The following DOK6 variants were observed in gnomAD, a reference collection of about 807,000 sequenced individuals.
DOK6 encodes downstream of tyrosine kinase 6.
In DOK6, 22 loss-of-function variants were observed where a neutral mutation model predicts 44.0. The observed-to-expected ratio is 0.50, with a 90% confidence interval of 0.36 to 0.71. The LOEUF is 0.71. Among genes scored for constraint, DOK6 ranks in the 30% least tolerant of loss-of-function variants. DOK6 has a pLI of 0.00. For synonymous variants in DOK6, 166 were observed against 145.5 expected, an observed-to-expected ratio of 1.14 and a Z score of -1.01; for missense variants, 340 against 416.4, an observed-to-expected ratio of 0.82 and a Z score of 1.60.
At chr18:69,402,890 A>G (rs779233991) in intron 1 of DOK6, among the ~76,000 whole-genome samples, 14 of 152,156 alleles carry the variant, frequency 9.2e-5, no homozygotes, top group Non-Finnish European at 2.1e-4. Context: ...CCCACGGGAA[A>G]AGCTGCGGTT....
At chr18:69,704,147 T>C (rs1986581111) in intron 5 of DOK6, among the ~76,000 whole-genome samples, 1 of 152,234 alleles carries the variant, frequency 6.6e-6, no homozygotes, top group African/African-American at 2.4e-5. Context: ...CCTGCGCTAA[T>C]ACAAAACATT....
chr18:69,717,014 ATTC>A (rs1227986943), intron 5 of DOK6, among the ~76,000 whole-genome samples: 2 of 150,666 alleles, frequency 1.3e-5, no homozygotes, highest in African/African-American at 5.0e-5. Flanking sequence ...ATAGGAGTTT[ATTC>A]TTTTTTATTG....
At chr18:69,535,534 T>G (rs1982099518) in intron 1 of DOK6, among the ~76,000 whole-genome samples, 1 of 151,786 alleles carries the variant, frequency 6.6e-6, no homozygotes, top group East Asian at 1.9e-4. Context: ...ATTTTCTAGG[T>G]TAATGAACTT....
intron 6 of DOK6, among the ~76,000 whole-genome samples, chr18:69,751,726 C>T (rs890708770): frequency 4.6e-5 from 7 of 151,930 alleles, no homozygotes; most frequent in African/African-American, 1.5e-4. Context: ...CACAAATGGC[C>T]GGGTGCAGTG....
intron 3 of DOK6, among the ~76,000 whole-genome samples, chr18:69,608,869 C>T (rs1303931525): frequency 1.3e-5 from 2 of 150,284 alleles, no homozygotes. Context: ...TGAATCGCTT[C>T]AACCCGGGAG....
At chr18:69,652,418 T>C (rs1358727021) in intron 3 of DOK6, among the ~76,000 whole-genome samples, 2 of 152,092 alleles carry the variant, frequency 1.3e-5, no homozygotes, top group Non-Finnish European at 2.9e-5. Flanking sequence ...GATGGGAAAA[T>C]CCCAGGACTG....
intron 3 of DOK6, chr18:69,660,253 T>G (rs1599248339): frequency 6.6e-6 from 1 of 152,228 alleles, no homozygotes; most frequent in African/African-American, 2.4e-5. Context: ...AGATTGTTCA[T>G]AACTCAGAAC....
intron 5 of DOK6, among the ~76,000 whole-genome samples, chr18:69,706,112 T>TCC (rs1986627900): frequency 6.6e-6 from 1 of 152,124 alleles, no homozygotes; most frequent in Non-Finnish European, 1.5e-5. Flanking sequence ...GGGGTAACCA[T>TCC]TTGTGTTGGC....
intron 7 of DOK6, among the ~76,000 whole-genome samples, chr18:69,760,578 C>A (rs1979518835): frequency 1.3e-5 from 2 of 152,136 alleles, no homozygotes; most frequent in Admixed American, 6.6e-5. Flanking sequence ...AAGTGCGCAG[C>A]TTGACCTCTT....
intron 4 of DOK6, among the ~76,000 whole-genome samples, chr18:69,688,753 C>T (rs919977860): frequency 6.6e-6 from 1 of 152,142 alleles, no homozygotes; most frequent in African/African-American, 2.4e-5. Flanking sequence ...AACTCTTGAC[C>T]TCAAATGATC....
chr18:69,721,891 T>A (rs545262793), intron 5 of DOK6, among the ~76,000 whole-genome samples: 1 of 152,226 alleles, frequency 6.6e-6, no homozygotes, highest in Non-Finnish European at 1.5e-5. Flanking sequence ...AAGTTTATTC[T>A]CCGTAAGGCA....
intron 1 of DOK6, among the ~76,000 whole-genome samples, chr18:69,536,974 T>TTTATTA (rs780018877): frequency 0.024 from 2,449 of 100,586 alleles, 36 homozygotes; most frequent in Non-Finnish European, 0.034. Flanking sequence ...CGACAGAAGA[T>TTTATTA]TTATCATTAT....
rs199597638 is a variant in DOK6 at position 69,749,464 on chromosome 18, G to GA, written c.739-8284dup. Among the ~76,000 whole-genome samples, 9 of 151,820 alleles carry GA rather than the reference G, an allele frequency of 5.9e-5. No homozygotes were observed. The East Asian group carries it at 7.7e-4, about 13-fold the overall frequency. On this transcript the variant is annotated intron_variant, in intron 6 of 7. Transcript: ENST00000382713. ...ACATTATACAGAATCTCTTGATGATGAAAAAAAAGGACAAAAGCATAGAGC... is the reference window on the plus strand; with the variant it reads ...ACATTATACAGAATCTCTTGATGATGAAAAAAAAAGGACAAAAGCATAGAGC...
intron 7 of DOK6, among the ~76,000 whole-genome samples, chr18:69,774,666 C>T (rs987211896): frequency 6.6e-6 from 1 of 151,706 alleles, no homozygotes; most frequent in Non-Finnish European, 1.5e-5. Flanking sequence ...AATCATTCAG[C>T]GTGCAACAGA....
At chr18:69,710,221 A>T (rs1192166666) in intron 5 of DOK6, among the ~76,000 whole-genome samples, 1 of 152,376 alleles carries the variant, frequency 6.6e-6, no homozygotes, top group Admixed American at 6.5e-5. Context: ...AATAATTTTC[A>T]TTACTGTAAA....
rs1006941034 is a variant in DOK6, at chr18:69,736,423, A to G, written c.600-2542A>G. Among the ~76,000 whole-genome samples, 63 of 152,210 alleles carry G rather than the reference A, an allele frequency of 4.1e-4. 2 individuals carry two copies. The highest frequency in any genetic ancestry group is 2.9e-5 in the Non-Finnish European group (2 of 68,040). ...ATTCCTCAGAGCTGAAAGAAACCTT[A>G]GAGATTATATTATCCAACATCCTAT... On this transcript the variant is annotated intron_variant, in intron 5 of 7. Coordinates refer to ENST00000382713, the MANE Select transcript of DOK6 (RefSeq NM_152721.6).
intron 7 of DOK6, among the ~76,000 whole-genome samples, chr18:69,769,506 A>C (rs1357334647): frequency 6.6e-6 from 1 of 152,062 alleles, no homozygotes; most frequent in Non-Finnish European, 1.5e-5. Context: ...ACCATTTATA[A>C]ATTTCTTTTT....
At chr18:69,696,322 A>G (rs1267644404) in intron 4 of DOK6, among the ~76,000 whole-genome samples, 1 of 152,210 alleles carries the variant, frequency 6.6e-6, no homozygotes, top group African/African-American at 2.4e-5. Context: ...AAGGACACTC[A>G]ATGTCAAGAT....
intron 1 of DOK6, among the ~76,000 whole-genome samples, chr18:69,522,871 T>C (rs1211852806): frequency 6.6e-6 from 1 of 152,112 alleles, no homozygotes; most frequent in East Asian, 1.9e-4. Flanking sequence ...ATATCTATAT[T>C]TTCCAGTCTC....
Sources: gnomAD v4.1 joint callset for allele counts (sites outside exome capture counted in the v4.1 genomes callset) on GRCh38, gnomAD v4.1.1 for gene constraint, MANE v1.5 for transcripts, NCBI Gene and HGNC (gene_info 2026-07-23, HGNC 2026-07-21) for gene names.